NLGN4Y: variants seen among roughly 807,000 people sequenced by gnomAD.
NLGN4Y encodes neuroligin-4, Y-linked.
A neutral mutation model predicts 8.4 loss-of-function variants in NLGN4Y; 4 were observed. The observed-to-expected ratio is 0.48, with a 90% CI of 0.23 to 1.09. The LOEUF (loss-of-function observed/expected upper bound fraction) is 1.09. Ranked by LOEUF, NLGN4Y falls within the 50% of genes least tolerant of loss-of-function variation. The pLI, the probability that NLGN4Y is intolerant of heterozygous loss-of-function variation, is 0.19. For synonymous variants in NLGN4Y, 35 were observed against 75.6 expected, an observed-to-expected ratio of 0.46 and a Z score of 2.78; for missense variants, 90 against 192.3, an observed-to-expected ratio of 0.47 and a Z score of 3.15.
chrY:14,719,741 A>G, intron 3 of NLGN4Y, among the ~76,000 whole-genome samples: 4 of 32,851 alleles, frequency 1.2e-4, no homozygotes, highest in African/African-American at 2.4e-4. Flanking sequence ...TTGTTTCTGT[A>G]CATGAAAATA....
At chrY:14,661,167 AG>A (rs2150524133) in intron 2 of NLGN4Y, among the ~76,000 whole-genome samples, 1 of 34,132 alleles carries the variant, frequency 2.9e-5, no homozygotes, top group East Asian at 7.8e-4. Flanking sequence ...GCCATAAAAA[AG>A]AATGGAATCA....
At chrY:14,726,839 C>T (rs2080956687) in intron 4 of NLGN4Y, among the ~76,000 whole-genome samples, 1 of 33,554 alleles carries the variant, frequency 3.0e-5, no homozygotes, top group South Asian at 6.7e-4. Context: ...TATCTTAGCA[C>T]ATTGGAAAGC....
chrY:14,653,016 A>T, intron 2 of NLGN4Y, among the ~76,000 whole-genome samples: 1 of 32,646 alleles, frequency 3.1e-5, no homozygotes, highest in Non-Finnish European at 7.5e-5. Context: ...ATATATGTTT[A>T]TATGTGTGTA....
At chrY:14,743,084 TTTCTC>T (rs2081012263) in intron 4 of NLGN4Y, among the ~76,000 whole-genome samples, 1 of 33,171 alleles carries the variant, frequency 3.0e-5, no homozygotes, top group Non-Finnish European at 7.4e-5. Context: ...ATTGTACAGT[TTTCTC>T]TTCTGTGCTT....
At chrY:14,639,732 C>A in intron 2 of NLGN4Y, 1 of 148,642 alleles carries the variant, frequency 6.7e-6, no homozygotes, top group Middle Eastern at 1.2e-3. Flanking sequence ...TCGATGGGGA[C>A]CCTTCAGAGA....
chrY:14,655,115 C>T, intron 2 of NLGN4Y, among the ~76,000 whole-genome samples: 1 of 32,807 alleles, frequency 3.0e-5, no homozygotes, highest in African/African-American at 1.2e-4. Context: ...GTTGTTACCC[C>T]GATTTTCAAT....
At chrY:14,630,802 C>A in intron 2 of NLGN4Y, among the ~76,000 whole-genome samples, 1 of 32,960 alleles carries the variant, frequency 3.0e-5, no homozygotes, top group Non-Finnish European at 7.4e-5. Context: ...ACAGATGACT[C>A]TTTTAGGGCA....
chrY:14,609,184 G>T (rs2150501762), intron 1 of NLGN4Y, among the ~76,000 whole-genome samples: 1 of 32,872 alleles, frequency 3.0e-5, no homozygotes, highest in East Asian at 8.0e-4. Context: ...TTCCTCTCCT[G>T]CTATTTGGAT....
chrY:14,784,360 G>A, intron 4 of NLGN4Y, among the ~76,000 whole-genome samples: 1 of 33,975 alleles, frequency 2.9e-5, no homozygotes, highest in Non-Finnish European at 7.3e-5. Context: ...ATTAGAAATT[G>A]TATCAAAAAG....
At chrY:14,796,907 CTT>C (rs2043014229) in intron 4 of NLGN4Y, among the ~76,000 whole-genome samples, 1 of 33,403 alleles carries the variant, frequency 3.0e-5, no homozygotes, top group East Asian at 7.8e-4. Context: ...TTTTACTACT[CTT>C]GAATAATTTT....
chrY:14,805,593 T>G (rs770929718), intron 4 of NLGN4Y, among the ~76,000 whole-genome samples: 2 of 34,274 alleles, frequency 5.8e-5, no homozygotes, highest in Non-Finnish European at 1.5e-4. Context: ...GTGTATGTTA[T>G]GGCAACAACT....
chrY:14,575,814 AC>A (rs2080296193), intron 1 of NLGN4Y, among the ~76,000 whole-genome samples: 1 of 33,024 alleles, frequency 3.0e-5, no homozygotes, highest in African/African-American at 1.2e-4. Context: ...AACAATCAGG[AC>A]CCTCAGTAGC....
intron 2 of NLGN4Y, among the ~76,000 whole-genome samples, chrY:14,708,418 G>C: frequency 9.0e-5 from 3 of 33,366 alleles, no homozygotes; most frequent in African/African-American, 3.5e-4. Flanking sequence ...TAGGAAATAT[G>C]GTGTTGAAAA....
At chrY:14,782,486 G>A in intron 4 of NLGN4Y, among the ~76,000 whole-genome samples, 1 of 33,035 alleles carries the variant, frequency 3.0e-5, no homozygotes, top group African/African-American at 1.2e-4. Flanking sequence ...AAGCCCCATG[G>A]AGAAGCTATG....
chrY:14,571,323 T>A, intron 1 of NLGN4Y, among the ~76,000 whole-genome samples: 1 of 34,004 alleles, frequency 2.9e-5, no homozygotes, highest in Non-Finnish European at 7.3e-5. Context: ...ATTGTGGTTT[T>A]GATTTGCATT....
chrY:14,611,443 C>T (rs1603501302), intron 1 of NLGN4Y, among the ~76,000 whole-genome samples: 1 of 24,416 alleles, frequency 4.1e-5, no homozygotes, highest in East Asian at 9.9e-4. Flanking sequence ...CTCTTAAAGG[C>T]AGTCCTGGTG....
chrY:14,766,713 C>A, intron 4 of NLGN4Y, among the ~76,000 whole-genome samples: 1 of 32,938 alleles, frequency 3.0e-5, no homozygotes, highest in Non-Finnish European at 7.5e-5. Context: ...GTAGATTAAG[C>A]TTTTCACCCA....
chrY:14,530,492 A>T, intron 1 of NLGN4Y, among the ~76,000 whole-genome samples: 2 of 31,522 alleles, frequency 6.3e-5, no homozygotes, highest in African/African-American at 1.2e-4. Context: ...CTCCTGGAAT[A>T]TTTTTTTTCT....
chrY:14,580,318 C>T (rs770872105), intron 1 of NLGN4Y, among the ~76,000 whole-genome samples: 184 of 21,266 alleles, frequency 8.7e-3, no homozygotes, highest in Non-Finnish European at 0.015. Flanking sequence ...TTTTATACTA[C>T]TTACATATTA....
Sources: gnomAD v4.1 joint callset for allele counts (sites outside exome capture counted in the v4.1 genomes callset) on GRCh38, gnomAD v4.1.1 for gene constraint, MANE v1.5 for transcripts, NCBI Gene and HGNC (gene_info 2026-07-23, HGNC 2026-07-21) for gene names.